Variants in MGAT5B observed in about 807,000 individuals in gnomAD.
MGAT5B encodes N-acetylglucosaminyl-transferase Vb.
In MGAT5B, 54 loss-of-function variants were observed where a neutral mutation model predicts 95.1. That is an observed-to-expected ratio of 0.57 (90% CI 0.46 to 0.71). The LOEUF (loss-of-function observed/expected upper bound fraction) is 0.71, where lower values mean the gene tolerates loss of function less well. Ranked by LOEUF, MGAT5B falls within the 30% of genes least tolerant of loss-of-function variation. The pLI is 0.00. For synonymous variants in MGAT5B, 464 were observed against 451.0 expected, an observed-to-expected ratio of 1.03 and a Z score of -0.36; for missense variants, 935 against 1,088.6, an observed-to-expected ratio of 0.86 and a Z score of 1.99.
intron 3 of MGAT5B, among the ~76,000 whole-genome samples, chr17:76,896,118 C>T (rs1036986): frequency 0.042 from 6,460 of 152,332 alleles, 175 homozygotes; most frequent in East Asian, 0.064. Context: ...ACCATCCCCC[C>T]AGTCCAGCCC....
intron 2 of MGAT5B, among the ~76,000 whole-genome samples, chr17:76,873,802 C>A (rs1369599686): frequency 6.6e-6 from 1 of 152,192 alleles, no homozygotes; most frequent in South Asian, 2.1e-4. Flanking sequence ...GAAACTGAGG[C>A]AAGTAGGTTT....
At chr17:76,902,501 T>C (rs1326654777) in intron 3 of MGAT5B, 54 bp from the exon 4 acceptor site, 31 of 1,375,714 alleles carry the variant, frequency 2.3e-5, no homozygotes, top group South Asian at 2.6e-5. Flanking sequence ...AGGACCCTCA[T>C]GGGAAGGTCA....
chr17:76,932,154 G>T (rs1969511935), intron 10 of MGAT5B, among the ~76,000 whole-genome samples: 1 of 135,788 alleles, frequency 7.4e-6, no homozygotes, highest in Non-Finnish European at 1.5e-5. Context: ...CTTACACAGG[G>T]TCTTGCTCTG....
At chr17:76,922,458 C>T (rs1388333360) in intron 8 of MGAT5B, among the ~76,000 whole-genome samples, 1 of 152,190 alleles carries the variant, frequency 6.6e-6, no homozygotes, top group African/African-American at 2.4e-5. Context: ...TCTGGGCCAT[C>T]AGTTTTACTG....
Position 76,949,057 on chromosome 17 carries a change from T to C in MGAT5B, c.*219T>C. ...GGACCTCCCAGGCAGGCTCCGGTTC[T>C]CTCCTGGGGACTCACAGAAGCATCG... is the stretch of plus-strand genomic sequence containing the variant. On this transcript the variant is annotated 3_prime_UTR_variant, in exon 18 of 18. Coordinates refer to ENST00000569840, the MANE Select transcript of MGAT5B (RefSeq NM_001199172.2). 1 of 608,916 alleles carries C rather than the reference T, an allele frequency of 1.6e-6. No homozygotes were observed. The highest frequency in any genetic ancestry group is 2.0e-5 in the South Asian group (1 of 49,656). 37.7% of individuals were successfully genotyped at this position (608,916 alleles called of 1,614,324 possible). A position where few individuals can be genotyped will look rare whatever the true frequency, so the allele number is the denominator to read the frequency against.
intron 2 of MGAT5B, among the ~76,000 whole-genome samples, 168 bp from the exon 3 acceptor site, chr17:76,881,983 G>T (rs1225488793): frequency 4.6e-5 from 7 of 152,264 alleles, no homozygotes. Flanking sequence ...AAGCAATGCA[G>T]CAAAAGGGTC....
Position 76,931,791 on chromosome 17 carries a change from G to A in MGAT5B, c.1292-854G>A, listed in dbSNP as rs545582330. Among the ~76,000 whole-genome samples, 8 of 152,374 alleles carry A rather than the reference G, an allele frequency of 5.3e-5. No individual in the cohort carries two copies. The East Asian group carries it at 9.6e-4, about 18-fold the overall frequency. ...ATTGAGAGCTGATATGGCCTAGGCC[G>A]GGGTGCAGTCACGGAGAAGGTGGAG... On this transcript the variant is annotated intron_variant, in intron 10 of 17. Transcript: ENST00000569840.
Position 76,910,178 on chromosome 17 carries a change from C to CA in MGAT5B, c.1025+3992dup, listed in dbSNP as rs1454489478. ...CTCACTCTGGCTCTCACCCTGGTGA[C>CA]ATCTTGTTGTCAGATCCAGCTGTTC... On this transcript the variant is annotated intron_variant, in intron 8 of 17. Transcript: ENST00000569840. Among the ~76,000 whole-genome samples the CA allele has an allele frequency of 5.9e-4, 90 of 152,332 alleles. 1 individual carries two copies. The Middle Eastern group carries it at 0.014, about 23-fold the overall frequency.
In MGAT5B at chr17:76,869,705, C is replaced by T. The variant is rs575877976; in HGVS notation, c.68+608C>T. Reference sequence around the variant, plus strand: ...CCCCCGATCGCAGGCGTCGGAGAGGCGGGGGCAGGGGCGGCGCTGCAGGGC... The same window carrying T: ...CCCCCGATCGCAGGCGTCGGAGAGGTGGGGGCAGGGGCGGCGCTGCAGGGC... On this transcript the variant is annotated intron_variant, in intron 1 of 17. Transcript: ENST00000569840. The surrounding 1 kb of genome is among the most constrained non-coding windows in gnomAD (Gnocchi z 7.0). Among the ~76,000 whole-genome samples the T allele has an allele frequency of 2.0e-5, 3 of 152,310 alleles. No homozygotes were observed. The highest frequency in any genetic ancestry group is 4.8e-5 in the African/African-American group (2 of 41,580).
chr17:76,890,637 C>T (rs1967829224), intron 3 of MGAT5B, among the ~76,000 whole-genome samples: 1 of 151,060 alleles, frequency 6.6e-6, no homozygotes, highest in Non-Finnish European at 1.5e-5. Flanking sequence ...CTGAGTAGCT[C>T]AGCCTGCAGG....
At position 76,913,707 on chromosome 17, in the gene MGAT5B, G is replaced by T. The variant is rs769098859; in HGVS notation, c.1025+7520G>T. On this transcript the variant is annotated intron_variant, in intron 8 of 17. Transcript: ENST00000569840. ...AGGAGTAGCCAAGAGCAAGCCAGAT[G>T]TGGAGTCATGGGTGCCTGTGAGAAG... 42 of 510,546 alleles carry T rather than the reference G, an allele frequency of 8.2e-5. 5 individuals are homozygous for T. The Middle Eastern group carries it at 8.2e-3, about 100-fold the overall frequency. The allele number at this position is 510,546 out of a possible 1,614,324, so 31.6% of individuals were successfully genotyped here.
At position 76,918,224 on chromosome 17, in the gene MGAT5B, C is replaced by T. The variant is rs736099; in HGVS notation, c.1026-6742C>T. On this transcript the variant is annotated intron_variant, in intron 8 of 17. Transcript: ENST00000569840. The surrounding 1 kb of genome is among the most constrained non-coding windows in gnomAD (Gnocchi z 5.1). ...ACGCCTTGTACCGCACCCCCACCCC[C>T]GCACCCATGCTTTGTGGTAGCTTCG... Among the ~76,000 whole-genome samples the T allele has an allele frequency of 0.21, 32,554 of 152,016 alleles. 4,074 individuals carry two copies. The highest frequency in any genetic ancestry group is 0.38 in the East Asian group (1,945 of 5,146).
rs1969035641 is a variant in MGAT5B at position 76,918,951 on chromosome 17, C to A, written c.1026-6015C>A. Among the ~76,000 whole-genome samples the A allele has an allele frequency of 1.3e-5, 2 of 152,216 alleles. No homozygotes were observed. The highest frequency in any genetic ancestry group is 1.3e-4 in the Admixed American group (2 of 15,286). On this transcript the variant is annotated intron_variant, in intron 8 of 17. Transcript: ENST00000569840. The surrounding 1 kb of genome is among the most constrained non-coding windows in gnomAD (Gnocchi z 5.1). ...TGAGCACTACCTGGAGAGATTATTTCTAGCCACAGACCAAAGGCACAGAGA... is the reference window on the plus strand; with the variant it reads ...TGAGCACTACCTGGAGAGATTATTTATAGCCACAGACCAAAGGCACAGAGA...
rs3803745 is a variant in MGAT5B, at chr17:76,948,852, G to A, written c.*14G>A. On this transcript the variant is annotated 3_prime_UTR_variant, in exon 18 of 18. Coordinates refer to ENST00000569840, the MANE Select transcript of MGAT5B (RefSeq NM_001199172.2). ...GGCTGTCTGTGAATCCGCCTCTGCC[G>A]CCCTGCCTGGCACCCACGCTGGCTC... 0.22 allele frequency: 351,086 copies of A among 1,563,206 alleles called. 41,298 individuals are homozygous for A. Among genetic ancestry groups the A allele is most frequent in the South Asian group, 0.32 (27,402 of 85,466 alleles).
intron 2 of MGAT5B, among the ~76,000 whole-genome samples, chr17:76,880,127 C>T (rs545474525): frequency 1.3e-5 from 2 of 152,092 alleles, no homozygotes; most frequent in African/African-American, 2.4e-5. Context: ...TCTCCAATAC[C>T]CGACCCCCTC....
Position 76,930,402 on chromosome 17 carries a change from T to G in MGAT5B, c.1292-2243T>G, listed in dbSNP as rs551338420. 1.1e-4 allele frequency among the ~76,000 whole-genome samples: 17 copies of G among 152,218 alleles called. No individual in the cohort carries two copies. The highest frequency in any genetic ancestry group is 2.4e-4 in the Non-Finnish European group (16 of 68,014). ...AAATGTGGGGGATGTGCATTCGAAA[T>G]GAAGAAATAGGGTATTTAGAATCAA... On this transcript the variant is annotated intron_variant, in intron 10 of 17. Coordinates refer to ENST00000569840, the MANE Select transcript of MGAT5B (RefSeq NM_001199172.2). The surrounding 1 kb of genome is among the most constrained non-coding windows in gnomAD (Gnocchi z 4.1).
intron 2 of MGAT5B, among the ~76,000 whole-genome samples, chr17:76,879,335 T>C (rs1354990668): frequency 1.3e-5 from 2 of 152,166 alleles, no homozygotes; most frequent in African/African-American, 2.4e-5. Flanking sequence ...TCAGCACCAC[T>C]GGGGTGCTGC....
rs60682573 is a variant in MGAT5B, at chr17:76,924,450, G to A, written c.1026-516G>A. On this transcript the variant is annotated intron_variant, in intron 8 of 17. Transcript: ENST00000569840. ...TGAAGGCAGGCAGGTCCTGTGCGGTGCCCGGGGTGGGAAGCAGGTAACCAG... is the reference window on the plus strand; with the variant it reads ...TGAAGGCAGGCAGGTCCTGTGCGGTACCCGGGGTGGGAAGCAGGTAACCAG... 10 of 142,874 alleles carry A rather than the reference G, an allele frequency of 7.0e-5. No individual in the cohort carries two copies. The East Asian group carries it at 1.1e-3, about 16-fold the overall frequency. 8.9% of individuals were successfully genotyped at this position (142,874 alleles called of 1,614,324 possible).
rs1195691334 is a variant in MGAT5B, at chr17:76,918,618, C to G, written c.1026-6348C>G. ...CCTCTGAGTTTCTTCTTTCTGCCCC[C>G]ATCTGGTCTGTCAGGGACCAGACAG... On this transcript the variant is annotated intron_variant, in intron 8 of 17. Transcript: ENST00000569840. This position sits in a 1 kb window ranked among gnomAD's most constrained non-coding sequence, Gnocchi z 5.1. 3.3e-5 allele frequency among the ~76,000 whole-genome samples: 5 copies of G among 152,206 alleles called. No homozygotes were observed. The highest frequency in any genetic ancestry group is 4.4e-5 in the Non-Finnish European group (3 of 68,038).
Sources: allele counts gnomAD v4.1 joint callset (sites outside exome capture counted in the v4.1 genomes callset), GRCh38; gene constraint gnomAD v4.1.1; non-coding constraint Gnocchi (gnomAD v3.1); transcripts MANE v1.5; gene names NCBI Gene and HGNC (gene_info 2026-07-23, HGNC 2026-07-21).